The following OTUD7A variants were observed in gnomAD, a reference collection of about 807,000 sequenced individuals.
OTUD7A encodes OTU domain-containing protein 7A.
OTUD7A carries 12 observed loss-of-function variants against 65.7 expected under a neutral mutation model. That is an observed-to-expected ratio of 0.18 (90% CI 0.12 to 0.30). The LOEUF is 0.30. OTUD7A is among the 10% of genes least tolerant of loss of function. OTUD7A has a pLI of 1.00. For synonymous variants in OTUD7A, 641 were observed against 586.3 expected (o/e 1.09, Z -1.35); for missense variants, 1,148 against 1,304.8 (o/e 0.88, Z 1.85).
intron 1 of OTUD7A, chr15:31,768,203 G>A (rs1895139412): frequency 1.8e-6 from 2 of 1,141,226 alleles, no homozygotes; most frequent in Admixed American, 1.7e-5. Context: ...ACTCTCCACA[G>A]GTCTGTCAGC....
intron 3 of OTUD7A, among the ~76,000 whole-genome samples, chr15:31,609,826 C>G (rs529368053): frequency 1.2e-4 from 19 of 152,086 alleles, no homozygotes; most frequent in South Asian, 1.0e-3. Context: ...ATTTCACCCC[C>G]CTGCCACCTC....
At chr15:31,610,617 A>ATATTTTTTTTTTT in intron 3 of OTUD7A, among the ~76,000 whole-genome samples, 3 of 30,564 alleles carry the variant, frequency 9.8e-5, no homozygotes, top group African/African-American at 3.4e-4. Flanking sequence ...ATATATATAT[A>ATATTTTTTTTTTT]TTTTTTTTTT....
At chr15:31,701,440 G>T (rs1893211642) in intron 1 of OTUD7A, among the ~76,000 whole-genome samples, 1 of 151,646 alleles carries the variant, frequency 6.6e-6, no homozygotes, top group Non-Finnish European at 1.5e-5. Flanking sequence ...AGTTTAAAAA[G>T]ATGACACAAA....
intron 3 of OTUD7A, among the ~76,000 whole-genome samples, chr15:31,643,317 A>G (rs1030834587): frequency 3.3e-5 from 5 of 150,860 alleles, no homozygotes; most frequent in African/African-American, 1.2e-4. Context: ...CTTTACTTCT[A>G]TTTTTTTCTG....
At chr15:31,726,330 T>C (rs890626910) in intron 1 of OTUD7A, among the ~76,000 whole-genome samples, 5 of 90,150 alleles carry the variant, frequency 5.5e-5, no homozygotes, top group African/African-American at 2.0e-4. Flanking sequence ...TCTCTCGAAT[T>C]ACACACACAC....
intron 1 of OTUD7A, among the ~76,000 whole-genome samples, chr15:31,869,730 CAG>C (rs1444766189): frequency 6.6e-6 from 1 of 152,182 alleles, no homozygotes; most frequent in Admixed American, 6.5e-5. Flanking sequence ...CATTTTATTA[CAG>C]AGATTCTCAA....
At chr15:31,852,464 CAA>C (rs5811668) in intron 1 of OTUD7A, among the ~76,000 whole-genome samples, 1 of 152,204 alleles carries the variant, frequency 6.6e-6, no homozygotes, top group Admixed American at 6.5e-5. Flanking sequence ...TTAAAACAAA[CAA>C]ATCTCAAATT....
rs1555388799 is a variant in OTUD7A, at chr15:31,484,023, G to GGCA, written c.2072_2073insTGC (p.Ala696dup). On this transcript the variant is annotated inframe_insertion, in exon 13 of 13. Transcript: ENST00000307050. The surrounding 1 kb of genome is among the most constrained non-coding windows in gnomAD (Gnocchi z 4.5). ...GCTTGGCCGTGGCGGCGGCGGCGGC[G>GGCA]GCGGCAGCGGCGGCCGCAGTAGCGG... The GGCA allele has an allele frequency of 7.3e-6, 9 of 1,227,960 alleles. No individual in the cohort carries two copies. The highest frequency in any genetic ancestry group is 7.1e-6 in the Non-Finnish European group (7 of 987,974). 76.1% of individuals were successfully genotyped at this position (1,227,960 alleles called of 1,614,324 possible).
At position 31,714,459 on chromosome 15, in the gene OTUD7A, C is replaced by T. The variant is rs1391518151; in HGVS notation, c.-99-57382G>A. On this transcript the variant is annotated intron_variant, in intron 1 of 12. Coordinates refer to ENST00000307050, the MANE Select transcript of OTUD7A (RefSeq NM_001382637.1). ...GGGAGAAGGCTCAAGGGGGCAGATGCCTGCATCTCATGTTCTAGTTTTTGA... is the reference window on the plus strand; with the variant it reads ...GGGAGAAGGCTCAAGGGGGCAGATGTCTGCATCTCATGTTCTAGTTTTTGA... 1.1e-4 allele frequency among the ~76,000 whole-genome samples: 17 copies of T among 152,128 alleles called. 1 individual carries two copies. Among genetic ancestry groups the T allele is most frequent in the Middle Eastern group, 6.8e-3 (2 of 294 alleles).
intron 7 of OTUD7A, 29 bp downstream of exon 7, chr15:31,527,152 G>A (rs61978640): frequency 4.0e-5 from 65 of 1,613,208 alleles, no homozygotes; most frequent in Admixed American, 1.2e-4. Context: ...CCTGGGTCCC[G>A]GGCTCTGGCC....
At position 31,562,466 on chromosome 15, in the gene OTUD7A, C is replaced by T. The variant is rs545804470; in HGVS notation, c.332-3279G>A. Reference sequence around the variant, plus strand: ...GTAGGGGGCTGCTCCCCCTGCCCTGCCTTCCCATAGAAACCACCTCAAAGG... The same window carrying T: ...GTAGGGGGCTGCTCCCCCTGCCCTGTCTTCCCATAGAAACCACCTCAAAGG... On this transcript the variant is annotated intron_variant, in intron 4 of 12. Transcript: ENST00000307050. Among the ~76,000 whole-genome samples the T allele has an allele frequency of 3.9e-5, 6 of 152,282 alleles. No individual in the cohort carries two copies. The South Asian group carries it at 6.2e-4, about 16-fold the overall frequency.
intron 1 of OTUD7A, among the ~76,000 whole-genome samples, chr15:31,836,222 C>T (rs748155332): frequency 1.3e-5 from 2 of 151,842 alleles, no homozygotes; most frequent in African/African-American, 2.4e-5. Context: ...AAGTGATGTT[C>T]GGTGGTAACA....
chr15:31,580,678 T>C (rs1391759675), intron 3 of OTUD7A, among the ~76,000 whole-genome samples: 2 of 152,206 alleles, frequency 1.3e-5, no homozygotes, highest in African/African-American at 4.8e-5. Flanking sequence ...AGGCAAGAGC[T>C]TGTGCAGGAG....
intron 3 of OTUD7A, among the ~76,000 whole-genome samples, chr15:31,587,218 G>A (rs1017690676): frequency 2.0e-5 from 3 of 152,030 alleles, no homozygotes; most frequent in Admixed American, 6.5e-5. Flanking sequence ...CTCTACCATT[G>A]CCACCCTAGG....
chr15:31,608,701 A>G (rs1399413587), intron 3 of OTUD7A, among the ~76,000 whole-genome samples: 1 of 152,246 alleles, frequency 6.6e-6, no homozygotes. Context: ...AAGGAAGAAT[A>G]TACAGGATGG....
intron 1 of OTUD7A, among the ~76,000 whole-genome samples, chr15:31,866,531 C>A (rs1269346317): frequency 6.6e-6 from 1 of 152,210 alleles, no homozygotes; most frequent in Non-Finnish European, 1.5e-5. Context: ...GCGGTTCCCC[C>A]CTTGTGGCAT....
At chr15:31,581,822 C>T (rs11071197) in intron 3 of OTUD7A, among the ~76,000 whole-genome samples, 52,434 of 152,190 alleles carry the variant, frequency 0.34, 12,313 homozygotes, top group African/African-American at 0.67. Context: ...CCCCATTGTC[C>T]TGGCAATTAA....
At chr15:31,670,088 G>A (rs1476719105) in intron 1 of OTUD7A, among the ~76,000 whole-genome samples, 35 of 147,066 alleles carry the variant, frequency 2.4e-4, no homozygotes, top group Non-Finnish European at 3.6e-4. Context: ...AGTCGATCTG[G>A]AGCTAAAAAT....
chr15:31,857,787 A>G (rs576839789), intron 1 of OTUD7A, among the ~76,000 whole-genome samples: 1 of 152,148 alleles, frequency 6.6e-6, no homozygotes, highest in Non-Finnish European at 1.5e-5. Context: ...TTTTCTTAGT[A>G]ATGTCTACTT....
Sources: allele counts gnomAD v4.1 joint callset (sites outside exome capture counted in the v4.1 genomes callset), GRCh38; gene constraint gnomAD v4.1.1; non-coding constraint Gnocchi (gnomAD v3.1); transcripts MANE v1.5; gene names NCBI Gene and HGNC (gene_info 2026-07-23, HGNC 2026-07-21).